The following TSPAN11 variants were observed in gnomAD, a reference collection of about 807,000 sequenced individuals.
The protein encoded by TSPAN11 is tetraspanin-11.
Under a neutral mutation model 32.9 loss-of-function variants are expected in TSPAN11, and 29 were observed. That is an observed-to-expected ratio of 0.88 (90% CI 0.66 to 1.20). The LOEUF is 1.20. TSPAN11 is among the 50% of genes most tolerant of loss of function. TSPAN11 has a pLI of 0.00. For missense variants in TSPAN11, 283 were observed against 329.1 expected (o/e 0.86, Z 1.08); for synonymous variants, 140 against 141.3 (o/e 0.99, Z 0.07).
In TSPAN11 at chr12:30,969,534, C is replaced by T. The variant is rs80005794; in HGVS notation, c.276+5517C>T. Among the ~76,000 whole-genome samples the T allele has an allele frequency of 8.9e-3, 1,358 of 152,280 alleles. 28 individuals are homozygous for T. Among genetic ancestry groups the T allele is most frequent in the East Asian group, 0.078 (402 of 5,182 alleles). ...GGCTCCTTGGGAAGCAGGATGCAAACATCCTGAAGAGCTGACCGCTCAAGA... is the reference window on the plus strand; with the variant it reads ...GGCTCCTTGGGAAGCAGGATGCAAATATCCTGAAGAGCTGACCGCTCAAGA... On this transcript the variant is annotated intron_variant, in intron 3 of 7. Coordinates refer to ENST00000546076, the MANE Select transcript of TSPAN11 (RefSeq NM_001370302.1).
chr12:30,971,079 C>T (rs1938840567), intron 3 of TSPAN11, among the ~76,000 whole-genome samples: 1 of 152,134 alleles, frequency 6.6e-6, no homozygotes, highest in African/African-American at 2.4e-5. Flanking sequence ...TTAACCTTGG[C>T]AGGGTCTTGG....
At chr12:30,990,909 A>G (rs1419949173) in intron 7 of TSPAN11, among the ~76,000 whole-genome samples, 1 of 152,156 alleles carries the variant, frequency 6.6e-6, no homozygotes, top group Non-Finnish European at 1.5e-5. Flanking sequence ...CCAAGATCCA[A>G]CAACATGTCA....
intron 1 of TSPAN11, among the ~76,000 whole-genome samples, chr12:30,951,673 A>G (rs778608735): frequency 6.6e-6 from 1 of 152,106 alleles, no homozygotes; most frequent in East Asian, 1.9e-4. Flanking sequence ...CATAAATACT[A>G]GCTACACAGG....
Position 30,994,438 on chromosome 12 carries a change from G to A in TSPAN11, c.*2523G>A, listed in dbSNP as rs1939377833. 6.6e-6 allele frequency: 1 copy of A among 152,238 alleles called. No individual in the cohort carries two copies. The highest frequency in any genetic ancestry group is 1.5e-5 in the Non-Finnish European group (1 of 68,052). The allele number at this position is 152,238 out of a possible 1,614,324, so 9.4% of individuals were successfully genotyped here. On this transcript the variant is annotated 3_prime_UTR_variant, in exon 8 of 8. Transcript: ENST00000546076. ...CCCTAGGAAAGCAGCATCAGGTGCT[G>A]GGATCCCACCCAGCTGGCACGGGCA...
the TSPAN11 span, among the ~76,000 whole-genome samples, chr12:31,011,615 C>G: frequency 6.6e-6 from 1 of 152,196 alleles, no homozygotes; most frequent in Non-Finnish European, 1.5e-5. Flanking sequence ...TGCCAGCCAC[C>G]AGGCCTATGG....
intron 3 of TSPAN11, among the ~76,000 whole-genome samples, chr12:30,973,375 G>A (rs1370882665): frequency 1.3e-5 from 2 of 152,320 alleles, no homozygotes; most frequent in East Asian, 1.9e-4. Context: ...GCTTGTACAC[G>A]TGGGCTGTTA....
chr12:30,937,444 G>A (rs569884876), intron 1 of TSPAN11, among the ~76,000 whole-genome samples: 1 of 152,188 alleles, frequency 6.6e-6, no homozygotes, highest in South Asian at 2.1e-4. Flanking sequence ...GGGGCGGCAG[G>A]GGGCAGTGGG....
At position 30,992,952 on chromosome 12, in the gene TSPAN11, CA is replaced by C. The variant is rs1939345872; in HGVS notation, c.*1038del. The C allele has an allele frequency of 6.6e-6, 1 of 152,202 alleles. No individual in the cohort carries two copies. The highest frequency in any genetic ancestry group is 1.5e-5 in the Non-Finnish European group (1 of 68,054). The allele number at this position is 152,202 out of a possible 1,614,324, so 9.4% of individuals were successfully genotyped here. On this transcript the variant is annotated 3_prime_UTR_variant, in exon 8 of 8. Transcript: ENST00000546076. ...CCCTTCCCACCTGTCCTAGAGTGGA[CA>C]GAGCTTTTTCCTTGGGTTCTCTCTT...
intron 2 of TSPAN11, among the ~76,000 whole-genome samples, chr12:30,957,681 TG>T: frequency 1.3e-5 from 1 of 79,116 alleles, no homozygotes; most frequent in African/African-American, 4.6e-5. Flanking sequence ...TCCATCCTCC[TG>T]TCCTGCCTCC....
chr12:30,968,333 C>T (rs140112600), intron 3 of TSPAN11, among the ~76,000 whole-genome samples: 1 of 152,202 alleles, frequency 6.6e-6, no homozygotes, highest in Admixed American at 6.5e-5. Flanking sequence ...CACACAGGCA[C>T]GATGTCTGTC....
At position 30,979,775 on chromosome 12, in the gene TSPAN11, G is replaced by A. The variant is rs969106338; in HGVS notation, c.456+105G>A. On this transcript the variant is annotated intron_variant, in intron 5 of 7. Coordinates refer to ENST00000546076, the MANE Select transcript of TSPAN11 (RefSeq NM_001370302.1). ...CCTAGGCAAGTTACTTACCCTCTCT[G>A]AGCTTCAAATGTCACATCCTTAAAA... The A allele has an allele frequency of 1.1e-5, 12 of 1,109,060 alleles. No individual in the cohort carries two copies. The African/African-American group carries it at 1.7e-4, about 16-fold the overall frequency. The allele number at this position is 1,109,060 out of a possible 1,614,324, so 68.7% of individuals were successfully genotyped here.
At position 30,989,328 on chromosome 12, in the gene TSPAN11, T is replaced by A. The variant is rs148481658; in HGVS notation, c.703-2528T>A. 8.9e-3 allele frequency among the ~76,000 whole-genome samples: 1,357 copies of A among 152,186 alleles called. 28 individuals carry two copies. Among genetic ancestry groups the A allele is most frequent in the African/African-American group, 0.031 (1,280 of 41,510 alleles). On this transcript the variant is annotated intron_variant, in intron 7 of 7. Transcript: ENST00000546076. ...CTCATTAAGTCCTGAAGGAGCCCGA[T>A]AGGCAATGACAGAGGGGAAAGAGCC...
chr12:30,964,407 C>T (rs1039635482), intron 3 of TSPAN11, among the ~76,000 whole-genome samples: 3 of 149,024 alleles, frequency 2.0e-5, no homozygotes, highest in Middle Eastern at 3.5e-3. Context: ...CCTCCTACTT[C>T]CCCTTCTCCT....
rs1011118115 is a variant in TSPAN11 at position 30,957,239 on chromosome 12, C to A, written c.84+3164C>A. 2.8e-5 allele frequency among the ~76,000 whole-genome samples: 4 copies of A among 143,788 alleles called. No homozygotes were observed. The South Asian group carries it at 7.2e-4, about 26-fold the overall frequency. The allele number at this position is 143,788 out of a possible 152,430, so 94.3% of individuals were successfully genotyped here. On this transcript the variant is annotated intron_variant, in intron 2 of 7. Transcript: ENST00000546076. ...CTGAATGGCCTGGGACCCCCCCCCC[C>A]CCCACACCATGGTCTTCTGCCCCTC... is the stretch of plus-strand genomic sequence containing the variant.
At chr12:30,966,153 G>A (rs1053292327) in intron 3 of TSPAN11, among the ~76,000 whole-genome samples, 8 of 152,030 alleles carry the variant, frequency 5.3e-5, no homozygotes, top group African/African-American at 1.4e-4. Flanking sequence ...TCACACGGGC[G>A]GAGAGCCAAA....
At chr12:30,977,222 G>A (rs1938992062) in intron 3 of TSPAN11, among the ~76,000 whole-genome samples, 1 of 152,328 alleles carries the variant, frequency 6.6e-6, no homozygotes, top group African/African-American at 2.4e-5. Context: ...GAGATGGTTG[G>A]GCAAGGCCCA....
downstream of TSPAN11, among the ~76,000 whole-genome samples, chr12:30,997,686 G>A (rs1416370776): frequency 6.6e-6 from 1 of 152,106 alleles, no homozygotes; most frequent in Non-Finnish European, 1.5e-5. Context: ...TGAGATTTGG[G>A]GGACACAGAA....
chr12:30,926,920 C>T, intron 1 of TSPAN11, 124 bp downstream of exon 1: 1 of 1,281,150 alleles, frequency 7.8e-7, no homozygotes. Context: ...TCCCGAGCTT[C>T]CCCCGGGCGG....
intron 7 of TSPAN11, 119 bp from the exon 8 acceptor site, chr12:30,991,737 C>A: frequency 9.7e-7 from 1 of 1,033,528 alleles, no homozygotes; most frequent in Non-Finnish European, 1.5e-6. Context: ...GAGCAGGAAT[C>A]TGCCCTTTGC....
Sources: allele counts gnomAD v4.1 joint callset (sites outside exome capture counted in the v4.1 genomes callset), GRCh38; gene constraint gnomAD v4.1.1; transcripts MANE v1.5; gene names NCBI Gene and HGNC (gene_info 2026-07-23, HGNC 2026-07-21).